HMX1: variants seen among roughly 807,000 people sequenced by gnomAD.
HMX1 encodes the protein homeobox protein HMX1.
A neutral mutation model predicts 8.9 loss-of-function variants in HMX1; 8 were observed. The observed-to-expected ratio is 0.90, with a 90% CI of 0.53 to 1.63. The LOEUF (loss-of-function observed/expected upper bound fraction) is 1.63, where lower values mean the gene tolerates loss of function less well. HMX1 is among the 40% of genes most tolerant of loss of function. The pLI is 0.00. For synonymous variants in HMX1, 311 were observed against 283.4 expected, an observed-to-expected ratio of 1.10 and a Z score of -0.98; for missense variants, 621 against 558.5, an observed-to-expected ratio of 1.11 and a Z score of -1.13.
Position 8,870,393 on chromosome 4 carries a change from T to C in HMX1, c.394+828A>G, listed in dbSNP as rs531182663. On this transcript the variant is annotated intron_variant, in intron 1 of 1. Transcript: ENST00000400677. The surrounding 1 kb of genome is among the most constrained non-coding windows in gnomAD (Gnocchi z 4.4). ...ATACCCAAGCAAGGGGGCAAAGGGG[T>C]TCTGGGGTTGAGAACCCCCAGCCCC... is the stretch of plus-strand genomic sequence containing the variant. Among the ~76,000 whole-genome samples the C allele has an allele frequency of 1.1e-4, 17 of 151,684 alleles. No individual in the cohort carries two copies. Among genetic ancestry groups the C allele is most frequent in the African/African-American group, 4.1e-4 (17 of 41,304 alleles).
chr4:8,868,479 C>T lies in HMX1; in HGVS notation c.395-134G>A. The T allele has an allele frequency of 1.5e-6, 1 of 673,358 alleles. No homozygotes were observed. Among genetic ancestry groups the T allele is most frequent in the Non-Finnish European group, 2.1e-6 (1 of 470,368 alleles). The allele number at this position is 673,358 out of a possible 1,614,324, so 41.7% of individuals were successfully genotyped here. On this transcript the variant is annotated intron_variant, in intron 1 of 1. Transcript: ENST00000400677. This position sits in a 1 kb window ranked among gnomAD's most constrained non-coding sequence, Gnocchi z 4.6. ...AGACCTTCCAGCACAGGGCTGGGCA[C>T]CCAGCAGCTCTGGGGATGCACACAT...
chr4:8,871,248 C>G lies in HMX1; in HGVS notation c.367G>C (p.Gly123Arg). Residue 123 changes from glycine (G) to arginine (R), a missense_variant, in exon 1 of 2, where the codon GGC becomes CGC. By Grantham distance (125) the Gly-to-Arg change is moderately radical. Coordinates refer to ENST00000400677, the MANE Select transcript of HMX1 (RefSeq NM_018942.3). The surrounding 1 kb of genome is among the most constrained non-coding windows in gnomAD (Gnocchi z 4.8). ...TCAGGACTGAGGCCGCCTCCATAGC[C>G]ACCGTGCGCCCGTGGGTACCAGCGC... ...AARWYPRAHG[G>R]YGGGLSPDTS... 6.7e-7 allele frequency: 1 copy of G among 1,487,720 alleles called. No homozygotes were observed. 92.2% of individuals were successfully genotyped at this position (1,487,720 alleles called of 1,614,324 possible). A position where few individuals can be genotyped will look rare whatever the true frequency, so the allele number is the denominator to read the frequency against.
At chr4:8,859,712 A>G (rs1721732772) in intron 1 of HMX1, among the ~76,000 whole-genome samples, 1 of 152,204 alleles carries the variant, frequency 6.6e-6, no homozygotes, top group South Asian at 2.1e-4. Flanking sequence ...TGCGTGGTCT[A>G]TGTGACGTGG....
downstream of HMX1, among the ~76,000 whole-genome samples, chr4:8,864,903 C>G (rs1052234388): frequency 2.0e-5 from 3 of 152,222 alleles, no homozygotes; most frequent in Non-Finnish European, 4.4e-5. Flanking sequence ...TTAATTAATT[C>G]TATCGAAAGA....
chr4:8,847,007 G>A lies in HMX1; in HGVS notation c.395-683C>T, dbSNP rs1721297535. Among the ~76,000 whole-genome samples the A allele has an allele frequency of 1.3e-5, 2 of 152,186 alleles. No individual in the cohort carries two copies. The highest frequency in any genetic ancestry group is 2.4e-5 in the African/African-American group (1 of 41,432). The stretch of plus-strand genomic sequence containing the variant: ...GTTCCCTGTGTGCAAAAGTGACATG[G>A]GACACGGAAATGACTATGACTCAGC... On this transcript the variant is annotated intron_variant, in intron 1 of 1. Transcript: ENST00000506970. The surrounding 1 kb of genome is among the most constrained non-coding windows in gnomAD (Gnocchi z 6.0).
At chr4:8,861,320 G>C (rs1721807563) in intron 1 of HMX1, among the ~76,000 whole-genome samples, 1 of 152,208 alleles carries the variant, frequency 6.6e-6, no homozygotes, top group South Asian at 2.1e-4. Context: ...GGGAGGGGCG[G>C]GTCGGGATCA....
Position 8,871,354 on chromosome 4 carries a change from G to A in HMX1, c.261C>T (p.Leu87=), listed in dbSNP as rs576816965. The change falls in exon 1 of 2, where the codon CTC becomes CTT. Residue 87 remains leucine (L), a synonymous_variant. Coordinates refer to ENST00000400677, the MANE Select transcript of HMX1 (RefSeq NM_018942.3). The surrounding 1 kb of genome is among the most constrained non-coding windows in gnomAD (Gnocchi z 4.8). Reference sequence around the variant, plus strand: ...GACCGAGGCCCAGCGCGCCCGGCCCGAGCAGCGCACGGGCCCGCGCCTCCC... The same window carrying A: ...GACCGAGGCCCAGCGCGCCCGGCCCAAGCAGCGCACGGGCCCGCGCCTCCC... The part of the protein sequence containing the change: ...PGGEARARAL[L]GPGALGLGPR... 5.7e-5 allele frequency: 71 copies of A among 1,256,288 alleles called. No homozygotes were observed. The South Asian group carries it at 1.3e-3, about 23-fold the overall frequency. The allele number at this position is 1,256,288 out of a possible 1,614,324, so 77.8% of individuals were successfully genotyped here.
At chr4:8,851,259 C>T (rs1032467878) in intron 1 of HMX1, among the ~76,000 whole-genome samples, 1 of 152,190 alleles carries the variant, frequency 6.6e-6, no homozygotes, top group Admixed American at 6.5e-5. Context: ...AACAGAAGGC[C>T]TACGAATGGC....
chr4:8,857,160 A>C (rs1282491029), intron 1 of HMX1, among the ~76,000 whole-genome samples: 1 of 152,158 alleles, frequency 6.6e-6, no homozygotes, highest in African/African-American at 2.4e-5. Context: ...TAATTTTCTG[A>C]ATTTTTAAAA....
At chr4:8,869,322 C>G (rs911570957) in intron 1 of HMX1, among the ~76,000 whole-genome samples, 32 of 152,222 alleles carry the variant, frequency 2.1e-4, no homozygotes, top group African/African-American at 7.7e-4. Flanking sequence ...TTGAAGAGGG[C>G]AGCAGCCTCC....
chr4:8,866,468 G>A (rs889542015), downstream of HMX1, among the ~76,000 whole-genome samples: 14 of 152,262 alleles, frequency 9.2e-5, no homozygotes, highest in Admixed American at 3.9e-4. Context: ...GCTGATGGAG[G>A]TGGGGTGGCC....
At chr4:8,859,672 G>T (rs938188409) in intron 1 of HMX1, among the ~76,000 whole-genome samples, 2 of 152,194 alleles carry the variant, frequency 1.3e-5, no homozygotes, top group African/African-American at 4.8e-5. Context: ...TAGAGAAATG[G>T]GGACAGAGTC....
intron 1 of HMX1, among the ~76,000 whole-genome samples, chr4:8,850,115 T>C (rs1013929067): frequency 2.6e-5 from 4 of 152,102 alleles, no homozygotes; most frequent in African/African-American, 7.2e-5. Context: ...TGAGTGAAGG[T>C]AGACAGGGTG....
intron 1 of HMX1, among the ~76,000 whole-genome samples, chr4:8,860,082 C>G (rs185661529): frequency 4.3e-4 from 65 of 152,378 alleles, no homozygotes; most frequent in Middle Eastern, 3.4e-3. Context: ...AAGCCGAGTT[C>G]GTGGAGCGCC....
Position 8,867,671 on chromosome 4 carries a change from G to A in HMX1, c.*22C>T, listed in dbSNP as rs1232396350. 8.9e-6 allele frequency: 11 copies of A among 1,239,392 alleles called. No individual in the cohort carries two copies. The highest frequency in any genetic ancestry group is 1.1e-5 in the Non-Finnish European group (11 of 992,202). The allele number at this position is 1,239,392 out of a possible 1,614,324, so 76.8% of individuals were successfully genotyped here. On this transcript the variant is annotated 3_prime_UTR_variant, in exon 2 of 2. Transcript: ENST00000400677. The stretch of plus-strand genomic sequence containing the variant: ...CCACACAGGTCCACAGGGTCGTGGG[G>A]AGAGGGCCCGGCAGGCGGGGCTCAC...
rs1199761758 is a variant in HMX1 at position 8,871,741 on chromosome 4, C to CGCCGG, written c.-128_-127insCCGGC. ...TACCCGGACCGCTGGCGTCGGGCCC[C>CGCCGG]GCAGGGCAGGCGGCGGCCTCCGCGC... On this transcript the variant is annotated 5_prime_UTR_variant, in exon 1 of 2. Transcript: ENST00000400677. The surrounding 1 kb of genome is among the most constrained non-coding windows in gnomAD (Gnocchi z 4.8). 2.0e-6 allele frequency: 2 copies of CGCCGG among 1,019,996 alleles called. No homozygotes were observed. Among genetic ancestry groups the CGCCGG allele is most frequent in the Non-Finnish European group, 2.3e-6 (2 of 853,258 alleles). 63.2% of individuals were successfully genotyped at this position (1,019,996 alleles called of 1,614,324 possible).
chr4:8,848,036 C>G lies in HMX1; in HGVS notation c.395-1712G>C, dbSNP rs1175222120. ...AATTTTGAATCTAAAACTCGACACT[C>G]GATTCAGTTATTGGACAACACTGAA... is the stretch of plus-strand genomic sequence containing the variant. On this transcript the variant is annotated intron_variant, in intron 1 of 1. Transcript: ENST00000506970. The surrounding 1 kb of genome is among the most constrained non-coding windows in gnomAD (Gnocchi z 4.1). Among the ~76,000 whole-genome samples, 2 of 152,152 alleles carry G rather than the reference C, an allele frequency of 1.3e-5. No homozygotes were observed. Among genetic ancestry groups the G allele is most frequent in the Middle Eastern group, 3.2e-3 (1 of 316 alleles).
At chr4:8,851,154 G>A (rs922998780) in intron 1 of HMX1, among the ~76,000 whole-genome samples, 2 of 152,258 alleles carry the variant, frequency 1.3e-5, no homozygotes, top group African/African-American at 2.4e-5. Context: ...GACCCCGTGT[G>A]TCTGACTCAA....
chr4:8,854,999 C>T (rs191535726), intron 1 of HMX1, among the ~76,000 whole-genome samples: 1 of 152,336 alleles, frequency 6.6e-6, no homozygotes, highest in African/African-American at 2.4e-5. Flanking sequence ...ATGAAACACA[C>T]GTGTCCTGCT....
Sources: allele counts gnomAD v4.1 joint callset (sites outside exome capture counted in the v4.1 genomes callset), GRCh38; gene constraint gnomAD v4.1.1; non-coding constraint Gnocchi (gnomAD v3.1); transcripts MANE v1.5; gene names NCBI Gene and HGNC (gene_info 2026-07-23, HGNC 2026-07-21).